STK3: variants seen among roughly 807,000 people sequenced by gnomAD.
The protein encoded by STK3 is serine/threonine-protein kinase 3.
STK3 carries 41 observed loss-of-function variants against 58.0 expected under a neutral mutation model. The ratio of observed to expected loss-of-function variants is 0.71; its 90% CI spans 0.55 to 0.92. STK3 has a LOEUF of 0.92. Among genes scored for constraint, STK3 ranks in the 40% least tolerant of loss-of-function variants. The pLI is 0.00. For missense variants in STK3, 479 were observed against 602.7 expected, an observed-to-expected ratio of 0.79 and a Z score of 2.15; for synonymous variants, 170 against 191.0, an observed-to-expected ratio of 0.89 and a Z score of 0.91.
the STK3 span, among the ~76,000 whole-genome samples, chr8:98,354,905 G>A: frequency 6.6e-6 from 1 of 152,288 alleles, no homozygotes; most frequent in South Asian, 2.1e-4. Context: ...AGCCTCCCGA[G>A]TAGCTGGGAT....
At chr8:98,574,096 G>A (rs1285299215) in intron 8 of STK3, among the ~76,000 whole-genome samples, 1 of 152,132 alleles carries the variant, frequency 6.6e-6, no homozygotes, top group Non-Finnish European at 1.5e-5. Context: ...TGAAATTTGG[G>A]TAGGGCCACA....
At chr8:98,597,253 A>G (rs1815907783) in intron 6 of STK3, 1 of 984,584 alleles carries the variant, frequency 1.0e-6, no homozygotes, top group Non-Finnish European at 1.2e-6. Context: ...TCTTACTTGG[A>G]AAGTGATCAA....
At position 98,592,247 on chromosome 8, in the gene STK3, C is replaced by T. The variant is rs115798800; in HGVS notation, c.822+3785G>A. Among the ~76,000 whole-genome samples the T allele has an allele frequency of 9.2e-3, 1,402 of 152,284 alleles. 18 individuals are homozygous for T. The highest frequency in any genetic ancestry group is 0.032 in the African/African-American group (1,325 of 41,550). ...TGTCTGTATCTAAACTCAGACACCA[C>T]TTCTCTAACTGGTGTTTCTATTCTG... On this transcript the variant is annotated intron_variant, in intron 7 of 10. Transcript: ENST00000419617.
At chr8:98,888,298 G>A (rs1046880789) in intron 1 of STK3, among the ~76,000 whole-genome samples, 6 of 152,062 alleles carry the variant, frequency 3.9e-5, no homozygotes, top group Non-Finnish European at 7.4e-5. Flanking sequence ...CAGCCTGGGC[G>A]ACAGAGTGAG....
the STK3 span, among the ~76,000 whole-genome samples, chr8:98,345,860 G>A: frequency 6.6e-6 from 1 of 152,062 alleles, no homozygotes; most frequent in Non-Finnish European, 1.5e-5. Flanking sequence ...CAATGCCTGA[G>A]ATTAAAATAC....
chr8:98,434,737 C>A (rs1221640605), intron 2 of STK3, among the ~76,000 whole-genome samples: 1 of 151,950 alleles, frequency 6.6e-6, no homozygotes, highest in East Asian at 1.9e-4. Flanking sequence ...AGAAGGCTGG[C>A]ATGCCTTGGA....
chr8:98,748,982 TA>T (rs1311821381), intron 4 of STK3, among the ~76,000 whole-genome samples: 2 of 151,882 alleles, frequency 1.3e-5, no homozygotes, highest in Non-Finnish European at 2.9e-5. Flanking sequence ...CTCACATTAT[TA>T]AACAACACAC....
At position 98,509,412 on chromosome 8, in the gene STK3, T is replaced by C. The variant is rs185290614; in HGVS notation, c.1317+17330A>G. Among the ~76,000 whole-genome samples the C allele has an allele frequency of 4.6e-5, 7 of 152,190 alleles. No homozygotes were observed. The East Asian group carries it at 1.3e-3, about 29-fold the overall frequency. ...CAGCATTAAAATACTTAGGCTGTTT[T>C]ATATAAACTACAAACAAAAATACAA... On this transcript the variant is annotated intron_variant, in intron 10 of 10. Coordinates refer to ENST00000419617, the MANE Select transcript of STK3 (RefSeq NM_006281.4).
chr8:98,894,840 C>A (rs1008702825), intron 1 of STK3, among the ~76,000 whole-genome samples: 3 of 152,144 alleles, frequency 2.0e-5, no homozygotes, highest in African/African-American at 7.2e-5. Context: ...AGGTCTTTGA[C>A]TTCTTTGTTC....
chr8:98,784,081 CT>C (rs1296930208), intron 1 of STK3, among the ~76,000 whole-genome samples: 3 of 152,234 alleles, frequency 2.0e-5, no homozygotes, highest in Non-Finnish European at 4.4e-5. Context: ...CACTTTGTTT[CT>C]TCTAAGCCCT....
intron 3 of STK3, among the ~76,000 whole-genome samples, chr8:98,851,854 G>A (rs920567048): frequency 2.0e-5 from 3 of 152,170 alleles, no homozygotes; most frequent in African/African-American, 7.2e-5. Context: ...GCATGGTGGT[G>A]CAAACCTGTA....
At chr8:98,537,098 G>C (rs1351210527) in intron 9 of STK3, among the ~76,000 whole-genome samples, 1 of 152,116 alleles carries the variant, frequency 6.6e-6, no homozygotes, top group Non-Finnish European at 1.5e-5. Context: ...ATAAAAGAAG[G>C]AGTCTATTCT....
intron 1 of STK3, among the ~76,000 whole-genome samples, chr8:98,897,655 A>T (rs1838507791): frequency 6.6e-6 from 1 of 152,192 alleles, no homozygotes; most frequent in South Asian, 2.1e-4. Context: ...TACAGCCCTT[A>T]TTCCATCATT....
chr8:98,558,858 C>T (rs1422868576), intron 8 of STK3, among the ~76,000 whole-genome samples: 2 of 151,926 alleles, frequency 1.3e-5, no homozygotes, highest in Non-Finnish European at 2.9e-5. Flanking sequence ...CCTACATAAA[C>T]TTAGATATAA....
intron 6 of STK3, among the ~76,000 whole-genome samples, chr8:98,667,470 C>T (rs1027791498): frequency 6.6e-6 from 1 of 151,938 alleles, no homozygotes; most frequent in Non-Finnish European, 1.5e-5. Context: ...ATAAATTTGA[C>T]AATATTTTAT....
intron 6 of STK3, among the ~76,000 whole-genome samples, chr8:98,632,133 T>C (rs1819292619): frequency 1.3e-5 from 2 of 152,226 alleles, no homozygotes; most frequent in South Asian, 2.1e-4. Flanking sequence ...TTTACACTTG[T>C]ACTGCTCAAA....
At chr8:98,664,826 G>C (rs1822218499) in intron 6 of STK3, among the ~76,000 whole-genome samples, 1 of 151,934 alleles carries the variant, frequency 6.6e-6, no homozygotes, top group African/African-American at 2.4e-5. Context: ...CTTGAACCCG[G>C]GAGGCGGAGG....
rs140209436 is a variant in STK3, at chr8:98,383,032, A to G, written n.57-3825T>C. Among the ~76,000 whole-genome samples the G allele has an allele frequency of 3.8e-3, 577 of 152,258 alleles. 6 individuals are homozygous for G. The highest frequency in any genetic ancestry group is 0.013 in the African/African-American group (552 of 41,542). On this transcript the variant is annotated intron_variant and non_coding_transcript_variant, in intron 1 of 2. Coordinates refer to the STK3 transcript ENST00000518704. ...CAGCGTGAGGGCTCTGCCTGCTCCT[A>G]GCCTCCCCCTAACAGAGCCCATTCT...
rs1309097929 is a variant in STK3, at chr8:98,854,288, AC to A, written c.110+29358del. On this transcript the variant is annotated intron_variant, in intron 3 of 12. Transcript: ENST00000523601. ...TAAGTAGCTGGGATTACAGGTGCCCACCACAATGTCCAGCTAATTTTTATAT... is the reference window on the plus strand; with the variant it reads ...TAAGTAGCTGGGATTACAGGTGCCCACACAATGTCCAGCTAATTTTTATAT... Among the ~76,000 whole-genome samples the A allele has an allele frequency of 1.3e-5, 2 of 151,948 alleles. 1 individual carries two copies. The highest frequency in any genetic ancestry group is 2.9e-5 in the Non-Finnish European group (2 of 67,996).
Sources: allele counts gnomAD v4.1 joint callset (sites outside exome capture counted in the v4.1 genomes callset), GRCh38; gene constraint gnomAD v4.1.1; transcripts MANE v1.5; gene names NCBI Gene and HGNC (gene_info 2026-07-23, HGNC 2026-07-21).